Variants in FGF18 observed in about 807,000 individuals in gnomAD.
FGF18 encodes fibroblast growth factor 18.
Under a neutral mutation model 23.0 loss-of-function variants are expected in FGF18, and 5 were observed. The observed-to-expected ratio is 0.22, with a 90% confidence interval of 0.11 to 0.46. The LOEUF is 0.46. Ranked by LOEUF, FGF18 falls within the 20% of genes least tolerant of loss-of-function variation. The pLI is 0.99. For synonymous variants in FGF18, 117 were observed against 118.9 expected (o/e 0.98, Z 0.10); for missense variants, 180 against 291.6 (o/e 0.62, Z 2.79).
intron 2 of FGF18, among the ~76,000 whole-genome samples, chr5:171,421,003 C>A (rs1257187925): frequency 6.6e-6 from 1 of 152,230 alleles, no homozygotes; most frequent in Non-Finnish European, 1.5e-5. Context: ...CCCGCGAGGC[C>A]GCTCCCGGAT....
In FGF18 at chr5:171,436,918, G is replaced by C. The variant is rs1772255364; in HGVS notation, c.250+645G>C. ...CCCTGGTCCACAAAGGTGCTCAGCA[G>C]TGAGTGAAACAGGCAGCGCTCCGCC... On this transcript the variant is annotated intron_variant, in intron 3 of 4. Transcript: ENST00000274625. This position sits in a 1 kb window ranked among gnomAD's most constrained non-coding sequence, Gnocchi z 4.4. Among the ~76,000 whole-genome samples, 1 of 152,266 alleles carries C rather than the reference G, an allele frequency of 6.6e-6. No individual in the cohort carries two copies. The highest frequency in any genetic ancestry group is 1.5e-5 in the Non-Finnish European group (1 of 68,048).
chr5:171,435,862 C>G (rs1772237187), intron 2 of FGF18, among the ~76,000 whole-genome samples: 1 of 152,172 alleles, frequency 6.6e-6, no homozygotes, highest in African/African-American at 2.4e-5. Context: ...TGATTCTTAG[C>G]TTTGCCACTT....
intron 3 of FGF18, among the ~76,000 whole-genome samples, chr5:171,443,500 C>CCTTTTTT (rs766926286): frequency 1.4e-5 from 1 of 70,416 alleles, no homozygotes; most frequent in Non-Finnish European, 2.9e-5. Context: ...CTGTTATCAT[C>CCTTTTTT]ATTTTTTTTT....
chr5:171,440,572 C>T lies in FGF18; in HGVS notation c.250+4299C>T, dbSNP rs190656945. Among the ~76,000 whole-genome samples, 407 of 152,244 alleles carry T rather than the reference C, an allele frequency of 2.7e-3. 1 individual carries two copies. Among genetic ancestry groups the T allele is most frequent in the Non-Finnish European group, 2.8e-3 (189 of 68,022 alleles). On this transcript the variant is annotated intron_variant, in intron 3 of 4. Transcript: ENST00000274625. The surrounding 1 kb of genome is among the most constrained non-coding windows in gnomAD (Gnocchi z 4.0). ...CAAAGAGCCTTCAGTCTAGGGCCCC[C>T]ATTCCTTACTAGAGGCTGACTTTGA...
chr5:171,456,547 C>T lies in FGF18; in HGVS notation c.366C>T (p.Gly122=). ...RKGKLVGKPD[G]TSKECVFIEK... ...CCCTCTCTCCCCTGCAGCCCGATGG[C>T]ACCAGCAAGGAGTGTGTGTTCATCG... The change falls in exon 5 of 5, where the codon GGC becomes GGT. Residue 122 remains glycine, a synonymous_variant. Coordinates refer to ENST00000274625, the MANE Select transcript of FGF18 (RefSeq NM_003862.3). This position sits in a 1 kb window ranked among gnomAD's most constrained non-coding sequence, Gnocchi z 6.1. 6.2e-7 allele frequency: 1 copy of T among 1,612,446 alleles called. No homozygotes were observed. Among genetic ancestry groups the T allele is most frequent in the South Asian group, 1.1e-5 (1 of 91,016 alleles).
In FGF18 at chr5:171,436,630, G is replaced by A. The variant is rs1453220813; in HGVS notation, c.250+357G>A. ...GGTTCAGCCACTTCAAGGGGCAGGAGCCTCGAGGTGATGCTTTTAGGAAGC... is the reference window on the plus strand; with the variant it reads ...GGTTCAGCCACTTCAAGGGGCAGGAACCTCGAGGTGATGCTTTTAGGAAGC... On this transcript the variant is annotated intron_variant, in intron 3 of 4. Coordinates refer to ENST00000274625, the MANE Select transcript of FGF18 (RefSeq NM_003862.3). This position sits in a 1 kb window ranked among gnomAD's most constrained non-coding sequence, Gnocchi z 4.4. 6.6e-6 allele frequency among the ~76,000 whole-genome samples: 1 copy of A among 152,214 alleles called. No homozygotes were observed. The highest frequency in any genetic ancestry group is 2.4e-5 in the African/African-American group (1 of 41,458).
At chr5:171,425,529 C>CTTT (rs77671680) in intron 2 of FGF18, among the ~76,000 whole-genome samples, 17 of 106,204 alleles carry the variant, frequency 1.6e-4, no homozygotes, top group Non-Finnish European at 2.7e-4. Context: ...CCGCCATGTG[C>CTTT]TTTTTTTTTT....
intron 3 of FGF18, among the ~76,000 whole-genome samples, chr5:171,439,987 T>C (rs926566462): frequency 2.6e-5 from 4 of 152,164 alleles, no homozygotes; most frequent in African/African-American, 9.7e-5. Flanking sequence ...AGAGTGGCCC[T>C]GCTAGCCAGG....
At chr5:171,446,703 A>G (rs1772424911) in intron 3 of FGF18, among the ~76,000 whole-genome samples, 1 of 152,082 alleles carries the variant, frequency 6.6e-6, no homozygotes, top group Non-Finnish European at 1.5e-5. Flanking sequence ...CCTAATCCCA[A>G]GGAGAAGGAG....
At position 171,419,656 on chromosome 5, in the gene FGF18, C is replaced by G. The variant is rs1771965406; in HGVS notation, c.-544C>G. ...GGCCGCCGCCAGTGGTGGGAGGCGG[C>G]GATGCGCACGGCCGGAGAGACGCGG... is the stretch of plus-strand genomic sequence containing the variant. On this transcript the variant is annotated 5_prime_UTR_variant, in exon 1 of 5. Transcript: ENST00000274625. The G allele has an allele frequency of 6.6e-6, 1 of 151,550 alleles. No individual in the cohort carries two copies. Among genetic ancestry groups the G allele is most frequent in the Non-Finnish European group, 1.5e-5 (1 of 67,852 alleles). The allele number at this position is 151,550 out of a possible 1,614,324, so 9.4% of individuals were successfully genotyped here. A position where few individuals can be genotyped will look rare whatever the true frequency, so the allele number is the denominator to read the frequency against.
intron 4 of FGF18, among the ~76,000 whole-genome samples, chr5:171,455,407 T>C (rs1014335149): frequency 6.6e-6 from 1 of 152,238 alleles, no homozygotes; most frequent in African/African-American, 2.4e-5. Context: ...GAGTAGCTGA[T>C]TTAATGTCAG....
intron 2 of FGF18, among the ~76,000 whole-genome samples, chr5:171,435,719 ACT>A (rs1772235208): frequency 6.6e-6 from 1 of 151,834 alleles, no homozygotes; most frequent in African/African-American, 2.4e-5. Flanking sequence ...CCGTTTGCTC[ACT>A]TAGTCCTCAC....
intron 3 of FGF18, among the ~76,000 whole-genome samples, chr5:171,438,915 G>A (rs1772294597): frequency 6.6e-6 from 1 of 152,030 alleles, no homozygotes; most frequent in African/African-American, 2.4e-5. Context: ...GGCTGCCAGA[G>A]CACCCAGGAC....
intron 2 of FGF18, among the ~76,000 whole-genome samples, chr5:171,425,699 T>G (rs1772080149): frequency 6.6e-6 from 1 of 151,802 alleles, no homozygotes. Flanking sequence ...CCCGGCTAAT[T>G]TTTTGTATTT....
In FGF18 at chr5:171,440,232, G is replaced by A. The variant is rs921269512; in HGVS notation, c.250+3959G>A. 2.6e-5 allele frequency among the ~76,000 whole-genome samples: 4 copies of A among 152,010 alleles called. No homozygotes were observed. The highest frequency in any genetic ancestry group is 9.7e-5 in the African/African-American group (4 of 41,384). ...CTCCTTACTATGGGTGTGTGGGGGG[G>A]GGTGGTGCCATCGCGGGCTCAGGTG... On this transcript the variant is annotated intron_variant, in intron 3 of 4. Coordinates refer to ENST00000274625, the MANE Select transcript of FGF18 (RefSeq NM_003862.3). This position sits in a 1 kb window ranked among gnomAD's most constrained non-coding sequence, Gnocchi z 4.0.
rs931883448 is a variant in FGF18, at chr5:171,441,120, G to A, written c.250+4847G>A. ...GGGCTTCAGGGCTATTGCTGAGTTG[G>A]TGGTGGAGCTGGGAGGGAGTCCTCT... is the stretch of plus-strand genomic sequence containing the variant. On this transcript the variant is annotated intron_variant, in intron 3 of 4. Transcript: ENST00000274625. Among the ~76,000 whole-genome samples the A allele has an allele frequency of 5.3e-5, 8 of 152,218 alleles. 1 individual carries two copies. The highest frequency in any genetic ancestry group is 3.3e-4 in the Admixed American group (5 of 15,290).
At chr5:171,431,032 G>A (rs376545468) in intron 2 of FGF18, among the ~76,000 whole-genome samples, 72 of 152,192 alleles carry the variant, frequency 4.7e-4, no homozygotes, top group African/African-American at 1.7e-3. Flanking sequence ...GTGATGTGAC[G>A]CACATTTGTG....
In FGF18 at chr5:171,448,983, G is replaced by A. The variant is rs370727152; in HGVS notation, c.251-164G>A. On this transcript the variant is annotated intron_variant, in intron 3 of 4. Coordinates refer to ENST00000274625, the MANE Select transcript of FGF18 (RefSeq NM_003862.3). Reference sequence around the variant, plus strand: ...CAGCTACTTCTCTGACTTCTCTGTGGTTATTTAGGCATCTGTCCTGTGGGA... The same window carrying A: ...CAGCTACTTCTCTGACTTCTCTGTGATTATTTAGGCATCTGTCCTGTGGGA... Among the ~76,000 whole-genome samples, 64 of 152,238 alleles carry A rather than the reference G, an allele frequency of 4.2e-4. 2 individuals are homozygous for A. In the South Asian group the frequency reaches 0.013, roughly 31 times the overall value.
Position 171,456,742 on chromosome 5 carries a change from G to A in FGF18, c.561G>A (p.Lys187=), listed in dbSNP as rs1375466374. 6.2e-7 allele frequency: 1 copy of A among 1,614,080 alleles called. No individual in the cohort carries two copies. Among genetic ancestry groups the A allele is most frequent in the South Asian group, 1.1e-5 (1 of 91,080 alleles). Residue 187 remains lysine (K), a synonymous_variant, in exon 5 of 5, where the codon AAG becomes AAA. Coordinates refer to ENST00000274625, the MANE Select transcript of FGF18 (RefSeq NM_003862.3). This position sits in a 1 kb window ranked among gnomAD's most constrained non-coding sequence, Gnocchi z 6.1. ...CCAAGGGGCAGCCGGAGCTTCAGAA[G>A]CCCTTCAAGTACACGACGGTGACCA... ...RYPKGQPELQ[K]PFKYTTVTKR... is the part of the protein sequence containing the mutation.
Sources: gnomAD v4.1 joint callset for allele counts (sites outside exome capture counted in the v4.1 genomes callset) on GRCh38, gnomAD v4.1.1 for gene constraint, Gnocchi (gnomAD v3.1) non-coding constraint, MANE v1.5 for transcripts, NCBI Gene and HGNC (gene_info 2026-07-23, HGNC 2026-07-21) for gene names.